The following USO1 variants were observed in gnomAD, a reference collection of about 807,000 sequenced individuals.
USO1 encodes the protein USO1 vesicle transport factor, also known as general vesicular transport factor p115.
Under a neutral mutation model 124.5 loss-of-function variants are expected in USO1, and 57 were observed. The ratio of observed to expected loss-of-function variants is 0.46; its 90% CI spans 0.37 to 0.57. The LOEUF (loss-of-function observed/expected upper bound fraction) is 0.57, where lower values mean the gene tolerates loss of function less well. USO1 is among the 20% of genes least tolerant of loss of function. The pLI is 0.00. For missense variants in USO1, 900 were observed against 1,040.6 expected, an observed-to-expected ratio of 0.86 and a Z score of 1.86; for synonymous variants, 369 against 362.8, an observed-to-expected ratio of 1.02 and a Z score of -0.19.
At chr4:75,727,156 T>C (rs1441277562) in intron 1 of USO1, among the ~76,000 whole-genome samples, 2 of 152,170 alleles carry the variant, frequency 1.3e-5, no homozygotes, top group Admixed American at 1.3e-4. Context: ...TCACAGTGTA[T>C]AGGATTTTAA....
chr4:75,751,728 G>C (rs1721301601), intron 1 of USO1, among the ~76,000 whole-genome samples: 1 of 151,306 alleles, frequency 6.6e-6, no homozygotes, highest in Non-Finnish European at 1.5e-5. Flanking sequence ...CTTTTCAGGG[G>C]GGCCGAGGCA....
chr4:75,810,671 A>C, intron 22 of USO1, 132 bp downstream of exon 22: 1 of 1,121,924 alleles, frequency 8.9e-7, no homozygotes. Flanking sequence ...CAACATTTTC[A>C]CTCCTATATT....
At chr4:75,807,369 AC>A (rs1723026776) in intron 20 of USO1, among the ~76,000 whole-genome samples, 1 of 148,366 alleles carries the variant, frequency 6.7e-6, no homozygotes, top group South Asian at 2.1e-4. Context: ...AGAAATGCAT[AC>A]TTTTTTTTTT....
Position 75,774,687 on chromosome 4 carries a change from A to G in USO1, c.567A>G (p.Leu189=). The G allele has an allele frequency of 6.2e-7, 1 of 1,613,158 alleles. No individual in the cohort carries two copies. The highest frequency in any genetic ancestry group is 8.5e-7 in the Non-Finnish European group (1 of 1,179,458). Residue 189 remains leucine, a synonymous_variant, in exon 8 of 24, where the codon CTA becomes CTG. Transcript: ENST00000514213. Reference sequence around the variant, plus strand: ...TTTCTTCTCTATAGGGCGTCTTACTACTGCAGGCACTAACAAGAAGCAATG... The same window carrying G: ...TTTCTTCTCTATAGGGCGTCTTACTGCTGCAGGCACTAACAAGAAGCAATG... ...REVIRNDGVL[L]LQALTRSNGA...
At chr4:75,804,971 T>C in intron 18 of USO1, 169 bp from the exon 19 acceptor site, 2 of 795,748 alleles carry the variant, frequency 2.5e-6, no homozygotes, top group East Asian at 3.3e-5. Context: ...TGGAAAATAC[T>C]ATCAGTTCAC....
At chr4:75,744,937 A>AT in intron 1 of USO1, 1 of 505,204 alleles carries the variant, frequency 2.0e-6, no homozygotes, top group Non-Finnish European at 4.0e-6. Context: ...TAGAAGTTGA[A>AT]TTCCAAACAG....
Position 75,757,353 on chromosome 4 carries a change from A to AT in USO1, c.219-138dup, listed in dbSNP as rs572171867. 105 of 658,622 alleles carry AT rather than the reference A, an allele frequency of 1.6e-4. 1 individual carries two copies. In the Admixed American group the frequency reaches 1.7e-3, roughly 11 times the overall value. 40.8% of individuals were successfully genotyped at this position (658,622 alleles called of 1,614,324 possible). ...TTCACAATTAGAAATAAAACTACAC[A>AT]TTTTTTACAGTTTGCACTCTGATAT... is the stretch of plus-strand genomic sequence containing the variant. On this transcript the variant is annotated intron_variant, in intron 3 of 23. Transcript: ENST00000514213.
rs1476461592 is a variant in USO1 at position 75,801,144 on chromosome 4, A to T, written c.1930A>T (p.Thr644Ser). The change falls in exon 17 of 24, where the codon ACA becomes TCA. Residue 644 changes from threonine (T) to serine (S), a missense_variant. By Grantham distance (58) the Thr-to-Ser change is moderately conservative (BLOSUM62 1). Coordinates refer to ENST00000514213, the MANE Select transcript of USO1 (RefSeq NM_003715.4). ...EDKKEEEVKK[T>S]LEQHDNIVTH... ...TAAAAAAGAAGAAGAGGTGAAAAAA[A>T]CATTAGAACAGCATGACAATATTGT... The T allele has an allele frequency of 1.9e-6, 3 of 1,610,672 alleles. No individual in the cohort carries two copies. The highest frequency in any genetic ancestry group is 2.5e-6 in the Non-Finnish European group (3 of 1,178,472).
intron 1 of USO1, 91 bp from the exon 2 acceptor site, chr4:75,752,282 T>C (rs1721314556): frequency 6.3e-6 from 2 of 317,752 alleles, no homozygotes; most frequent in South Asian, 3.2e-4. Flanking sequence ...CATGTGCTGA[T>C]TTTTTTTTTA....
At chr4:75,758,532 G>A (rs1285424294) in intron 4 of USO1, among the ~76,000 whole-genome samples, 1 of 152,140 alleles carries the variant, frequency 6.6e-6, no homozygotes, top group East Asian at 1.9e-4. Context: ...GAGAACATCT[G>A]AAACTGGATC....
chr4:75,748,447 C>T (rs184443946), intron 1 of USO1, among the ~76,000 whole-genome samples: 6 of 152,230 alleles, frequency 3.9e-5, no homozygotes, highest in African/African-American at 1.4e-4. Flanking sequence ...TCTCAGCCTC[C>T]CAAAGTGCTG....
chr4:75,742,426 G>A (rs1029872307), intron 1 of USO1, among the ~76,000 whole-genome samples: 2 of 152,160 alleles, frequency 1.3e-5, no homozygotes, highest in Non-Finnish European at 2.9e-5. Flanking sequence ...TAGGCCATGC[G>A]TATTTTAAAA....
chr4:75,730,147 T>A (rs1177486956), intron 1 of USO1, among the ~76,000 whole-genome samples: 2 of 152,212 alleles, frequency 1.3e-5, no homozygotes, highest in African/African-American at 4.8e-5. Context: ...TCTTTTTAAG[T>A]AGGGCCTATT....
chr4:75,800,666 C>T lies in USO1; in HGVS notation c.1731C>T (p.Phe577=), dbSNP rs934246022. ...LIEKRIGKEN[F]IEKLGFISKH... ...AGAAGAGGATTGGCAAAGAGAATTT[C>T]ATAGAGAAACTAGGATTTATTAGCA... Residue 577 remains phenylalanine (F), a synonymous_variant, in exon 16 of 24, where the codon TTC becomes TTT. Transcript: ENST00000514213. 4.4e-6 allele frequency: 7 copies of T among 1,594,682 alleles called. No individual in the cohort carries two copies. In the African/African-American group the frequency reaches 9.5e-5, roughly 22 times the overall value.
chr4:75,749,146 A>G (rs1484618366), intron 1 of USO1, among the ~76,000 whole-genome samples: 1 of 152,150 alleles, frequency 6.6e-6, no homozygotes, highest in African/African-American at 2.4e-5. Flanking sequence ...CAAATCAGCA[A>G]TTGTAAAGAC....
rs1467256894 is a variant in USO1, at chr4:75,814,146, T to TA, written c.*857dup. The TA allele has an allele frequency of 6.6e-6, 1 of 152,186 alleles. No homozygotes were observed. The highest frequency in any genetic ancestry group is 1.5e-5 in the Non-Finnish European group (1 of 68,032). 9.4% of individuals were successfully genotyped at this position (152,186 alleles called of 1,614,324 possible). On this transcript the variant is annotated 3_prime_UTR_variant, in exon 24 of 24. Transcript: ENST00000514213. ...TAGGTTTAAGTCAGATAATAGATTT[T>TA]AAAAAAGCAAATGAGGCAATGTGTC...
intron 16 of USO1, 128 bp downstream of exon 16, chr4:75,800,927 G>T: frequency 7.0e-7 from 1 of 1,425,924 alleles, no homozygotes; most frequent in Admixed American, 2.7e-5. Context: ...CTCTTGATCT[G>T]TAGCCCATTG....
In USO1 at chr4:75,743,047, C is replaced by T. The variant is rs187034120; in HGVS notation, c.67-9326C>T. 6.1e-3 allele frequency among the ~76,000 whole-genome samples: 926 copies of T among 150,664 alleles called. 16 individuals carry two copies. The highest frequency in any genetic ancestry group is 0.021 in the African/African-American group (845 of 40,942). On this transcript the variant is annotated intron_variant, in intron 1 of 23. Transcript: ENST00000514213. ...TTGCCCAGGCTGGAGTGCAGTGGCA[C>T]GATCTCGGCTCACTGCAGGCTCCAC...
At chr4:75,726,401 T>G (rs1184518993) in intron 1 of USO1, among the ~76,000 whole-genome samples, 1 of 152,090 alleles carries the variant, frequency 6.6e-6, no homozygotes, top group Non-Finnish European at 1.5e-5. Context: ...TGCTCATGCC[T>G]GTATTTCAAT....
Sources: gnomAD v4.1 joint callset for allele counts (sites outside exome capture counted in the v4.1 genomes callset) on GRCh38, gnomAD v4.1.1 for gene constraint, MANE v1.5 for transcripts, NCBI Gene and HGNC (gene_info 2026-07-23, HGNC 2026-07-21) for gene names.